CNTN5: variants seen among roughly 807,000 people sequenced by gnomAD.
CNTN5 encodes the protein contactin 5, also known as contactin-5.
Under a neutral mutation model 129.1 loss-of-function variants are expected in CNTN5, and 77 were observed. The observed-to-expected ratio is 0.60, with a 90% CI of 0.50 to 0.72. The LOEUF is 0.72. CNTN5 is among the 30% of genes least tolerant of loss of function. The probability of loss-of-function intolerance (pLI) is 0.00; values close to 1 mark genes in which losing one functional copy is unlikely to be tolerated. For synonymous variants in CNTN5, 509 were observed against 465.6 expected (o/e 1.09, Z -1.20); for missense variants, 1,478 against 1,328.8 (o/e 1.11, Z -1.75).
At chr11:99,566,683 A>G (rs1949017030) in intron 3 of CNTN5, among the ~76,000 whole-genome samples, 1 of 152,182 alleles carries the variant, frequency 6.6e-6, no homozygotes, top group Non-Finnish European at 1.5e-5. Flanking sequence ...GAGTCTGACT[A>G]TTTCCTGACT....
chr11:100,139,999 G>A (rs763563714), intron 13 of CNTN5, among the ~76,000 whole-genome samples: 4 of 152,190 alleles, frequency 2.6e-5, no homozygotes, highest in South Asian at 2.1e-4. Context: ...AAATCCTAGC[G>A]CACAGTAGAA....
At chr11:99,331,533 A>G (rs1391167025) in intron 2 of CNTN5, among the ~76,000 whole-genome samples, 2 of 152,122 alleles carry the variant, frequency 1.3e-5, no homozygotes, top group Non-Finnish European at 2.9e-5. Context: ...AATAAATGAA[A>G]AAGAAAACAC....
chr11:99,810,837 C>T (rs1249310288), intron 3 of CNTN5, among the ~76,000 whole-genome samples: 1 of 151,922 alleles, frequency 6.6e-6, no homozygotes, highest in Non-Finnish European at 1.5e-5. Flanking sequence ...ACTTTGATGC[C>T]AAATGGAGTC....
chr11:99,728,535 GAAAT>G lies in CNTN5; in HGVS notation c.56-91003_56-91000del, dbSNP rs550496305. On this transcript the variant is annotated intron_variant, in intron 3 of 24. Transcript: ENST00000524871. ...TCTAACTGAATGAAGGTGCTTTTTA[GAAAT>G]AAATAGATAACGATCTGCTGTCAAA... Among the ~76,000 whole-genome samples, 161 of 152,280 alleles carry G rather than the reference GAAAT, an allele frequency of 1.1e-3. 1 individual carries two copies. Among genetic ancestry groups the G allele is most frequent in the African/African-American group, 3.6e-3 (148 of 41,564 alleles).
chr11:99,444,147 C>T (rs954244675), intron 2 of CNTN5, among the ~76,000 whole-genome samples: 4 of 151,548 alleles, frequency 2.6e-5, no homozygotes, highest in Admixed American at 2.6e-4. Context: ...TGCAGTGAGC[C>T]GAGATCGCCC....
At chr11:100,222,241 T>G (rs1478878171) in intron 15 of CNTN5, among the ~76,000 whole-genome samples, 2 of 152,030 alleles carry the variant, frequency 1.3e-5, no homozygotes, top group Admixed American at 1.3e-4. Context: ...GGCTGTAGAG[T>G]TTTTGCTTCT....
chr11:99,778,114 C>T (rs1945188596), intron 3 of CNTN5, among the ~76,000 whole-genome samples: 1 of 151,736 alleles, frequency 6.6e-6, no homozygotes, highest in Admixed American at 6.6e-5. Flanking sequence ...TGTTCACATC[C>T]TCTGTAGTGT....
intron 8 of CNTN5, among the ~76,000 whole-genome samples, chr11:99,968,455 A>G (rs1951154769): frequency 6.6e-6 from 1 of 152,196 alleles, no homozygotes; most frequent in East Asian, 1.9e-4. Flanking sequence ...TTGTGTCAAC[A>G]TGGAAATTCT....
intron 13 of CNTN5, among the ~76,000 whole-genome samples, chr11:100,089,241 T>A (rs1487023876): frequency 6.6e-6 from 1 of 152,110 alleles, no homozygotes; most frequent in Non-Finnish European, 1.5e-5. Flanking sequence ...TAGACCTTTA[T>A]CAGATAGGCA....
At chr11:100,060,230 A>C (rs1345050992) in intron 9 of CNTN5, among the ~76,000 whole-genome samples, 3 of 151,752 alleles carry the variant, frequency 2.0e-5, no homozygotes, top group African/African-American at 7.3e-5. Flanking sequence ...AAAAAAAAAA[A>C]AGAAAAACCT....
chr11:100,128,121 C>G (rs948763124), intron 13 of CNTN5, among the ~76,000 whole-genome samples: 1 of 152,070 alleles, frequency 6.6e-6, no homozygotes, highest in African/African-American at 2.4e-5. Context: ...CCTCTTAGCC[C>G]CAAACTCATA....
At chr11:99,837,331 A>T (rs910346199) in intron 4 of CNTN5, among the ~76,000 whole-genome samples, 17 of 152,184 alleles carry the variant, frequency 1.1e-4, no homozygotes, top group Non-Finnish European at 2.2e-4. Context: ...TTCTTAACAC[A>T]TTAACATGTT....
intron 3 of CNTN5, among the ~76,000 whole-genome samples, chr11:99,660,801 G>A (rs1369163609): frequency 1.3e-5 from 2 of 152,000 alleles, no homozygotes; most frequent in Non-Finnish European, 2.9e-5. Context: ...TCAGTGAATA[G>A]AAACTCTTAG....
At chr11:99,208,058 G>A (rs1859571353) in intron 1 of CNTN5, among the ~76,000 whole-genome samples, 1 of 152,178 alleles carries the variant, frequency 6.6e-6, no homozygotes, top group Admixed American at 6.5e-5. Context: ...TTAAAAGAAA[G>A]ATCTATTGAC....
rs1026353772 is a variant in CNTN5, at chr11:99,369,203, TATATATTATATATA to T, written c.-71+43726_-71+43739del. 1.8e-3 allele frequency among the ~76,000 whole-genome samples: 149 copies of T among 84,542 alleles called. 5 individuals carry two copies. The highest frequency in any genetic ancestry group is 1.0e-3 in the Non-Finnish European group (46 of 43,842). The allele number at this position is 84,542 out of a possible 152,430, so 55.5% of individuals were successfully genotyped here. ...ATAATATATATAATATAACATATAA[TATATATTATATATA>T]ATATATATATATGTATTTCAAAGGA... On this transcript the variant is annotated intron_variant, in intron 2 of 24. Transcript: ENST00000524871.
intron 7 of CNTN5, among the ~76,000 whole-genome samples, chr11:99,935,166 C>T (rs1008931445): frequency 2.0e-5 from 3 of 151,370 alleles, no homozygotes; most frequent in African/African-American, 4.8e-5. Flanking sequence ...TGTTCAGATT[C>T]TATGAATATA....
At chr11:100,043,453 A>G (rs527608023) in intron 9 of CNTN5, among the ~76,000 whole-genome samples, 48 of 152,334 alleles carry the variant, frequency 3.2e-4, no homozygotes, top group African/African-American at 1.1e-3. Context: ...AGACTTAAGG[A>G]CATAGGAAAG....
At chr11:99,736,703 C>G (rs779291359) in intron 3 of CNTN5, among the ~76,000 whole-genome samples, 1 of 152,022 alleles carries the variant, frequency 6.6e-6, no homozygotes, top group African/African-American at 2.4e-5. Flanking sequence ...GATACATTGA[C>G]GGTGATATTT....
At chr11:99,952,080 A>G (rs183833043) in intron 7 of CNTN5, among the ~76,000 whole-genome samples, 3 of 152,254 alleles carry the variant, frequency 2.0e-5, no homozygotes, top group Admixed American at 6.5e-5. Flanking sequence ...TTCTGTTTCA[A>G]TCAAGGTACA....
Sources: gnomAD v4.1 joint callset for allele counts (sites outside exome capture counted in the v4.1 genomes callset) on GRCh38, gnomAD v4.1.1 for gene constraint, MANE v1.5 for transcripts, NCBI Gene and HGNC (gene_info 2026-07-23, HGNC 2026-07-21) for gene names.